AGBL4: variants seen among roughly 807,000 people sequenced by gnomAD.
AGBL4 encodes cytosolic carboxypeptidase 6.
In AGBL4, 58 loss-of-function variants were observed where a neutral mutation model predicts 66.4. That is an observed-to-expected ratio of 0.87 (90% CI 0.71 to 1.09). The LOEUF (loss-of-function observed/expected upper bound fraction) is 1.09. Ranked by LOEUF, AGBL4 falls within the 50% of genes least tolerant of loss-of-function variation. AGBL4 has a pLI of 0.00. For missense variants in AGBL4, 579 were observed against 631.0 expected, an observed-to-expected ratio of 0.92 and a Z score of 0.88; for synonymous variants, 234 against 222.9, an observed-to-expected ratio of 1.05 and a Z score of -0.44.
chr1:50,014,476 T>C (rs2148442316), intron 1 of AGBL4, among the ~76,000 whole-genome samples: 1 of 151,924 alleles, frequency 6.6e-6, no homozygotes, highest in Middle Eastern at 3.4e-3. Context: ...TTCACCAAAG[T>C]ATTCCTACTT....
intron 4 of AGBL4, among the ~76,000 whole-genome samples, chr1:49,207,559 T>TTTC: frequency 7.4e-6 from 1 of 135,892 alleles, no homozygotes; most frequent in East Asian, 2.2e-4. Context: ...TCTTTCTTTC[T>TTTC]TTCTTTCTTT....
intron 4 of AGBL4, among the ~76,000 whole-genome samples, chr1:49,069,445 C>T (rs953644585): frequency 2.0e-5 from 3 of 150,514 alleles, no homozygotes; most frequent in African/African-American, 7.5e-5. Flanking sequence ...CAGCTTTCTG[C>T]TTATGGCTAG....
At chr1:49,171,959 C>T (rs1057465183) in intron 4 of AGBL4, among the ~76,000 whole-genome samples, 15 of 152,128 alleles carry the variant, frequency 9.9e-5, no homozygotes, top group Non-Finnish European at 2.1e-4. Flanking sequence ...CATTTAAGCA[C>T]AGAGATAATA....
intron 3 of AGBL4, among the ~76,000 whole-genome samples, chr1:49,552,270 G>A (rs1027946603): frequency 3.3e-5 from 5 of 152,210 alleles, no homozygotes; most frequent in African/African-American, 1.2e-4. Context: ...TCCCCCGCCT[G>A]TGGAGTCTGC....
At chr1:49,314,375 C>T (rs1160369604) in intron 3 of AGBL4, among the ~76,000 whole-genome samples, 1 of 151,966 alleles carries the variant, frequency 6.6e-6, no homozygotes, top group Non-Finnish European at 1.5e-5. Context: ...AATGCTATCA[C>T]CCCTCCAGCC....
At chr1:49,788,392 A>T (rs1371135977) in intron 2 of AGBL4, among the ~76,000 whole-genome samples, 1 of 152,160 alleles carries the variant, frequency 6.6e-6, no homozygotes, top group Non-Finnish European at 1.5e-5. Context: ...ATTTATAACA[A>T]AATATTTCTA....
At chr1:49,768,016 AC>A (rs1486440091) in intron 2 of AGBL4, among the ~76,000 whole-genome samples, 6 of 152,032 alleles carry the variant, frequency 3.9e-5, no homozygotes, top group African/African-American at 1.4e-4. Context: ...AAGAAAAAAA[AC>A]AAAACAAAAC....
chr1:48,869,938 C>T (rs1248745981), intron 5 of AGBL4, among the ~76,000 whole-genome samples: 1 of 152,118 alleles, frequency 6.6e-6, no homozygotes, highest in Non-Finnish European at 1.5e-5. Flanking sequence ...CAGAGTACCC[C>T]TCAGTAAGTA....
intron 3 of AGBL4, among the ~76,000 whole-genome samples, chr1:49,385,906 A>AT (rs1158951826): frequency 6.6e-6 from 1 of 152,094 alleles, no homozygotes; most frequent in African/African-American, 2.4e-5. Context: ...CAGTTATAAA[A>AT]TATCACCTTT....
chr1:49,463,299 G>C (rs903108311), intron 3 of AGBL4, among the ~76,000 whole-genome samples: 1 of 151,550 alleles, frequency 6.6e-6, no homozygotes, highest in Non-Finnish European at 1.5e-5. Context: ...ATATACCCTG[G>C]TTTTCCAGAG....
At chr1:49,537,168 G>A (rs953202859) in intron 3 of AGBL4, among the ~76,000 whole-genome samples, 2 of 152,126 alleles carry the variant, frequency 1.3e-5, no homozygotes, top group African/African-American at 4.8e-5. Flanking sequence ...AGACTTAAAT[G>A]TAAGACCTGA....
intron 3 of AGBL4, among the ~76,000 whole-genome samples, chr1:49,339,131 A>G (rs1194736881): frequency 6.6e-6 from 1 of 152,146 alleles, no homozygotes; most frequent in East Asian, 1.9e-4. Context: ...CACTTAAGGA[A>G]GAGTGCATTG....
chr1:48,899,697 T>C (rs1351320665), intron 5 of AGBL4, among the ~76,000 whole-genome samples: 1 of 152,184 alleles, frequency 6.6e-6, no homozygotes, highest in African/African-American at 2.4e-5. Flanking sequence ...TGAAACAAAA[T>C]GACGAGCATT....
chr1:48,770,026 T>C (rs1243362794), intron 6 of AGBL4, among the ~76,000 whole-genome samples: 2 of 152,132 alleles, frequency 1.3e-5, no homozygotes, highest in African/African-American at 4.8e-5. Flanking sequence ...CTGACCTGCT[T>C]GCCACCTTTA....
intron 2 of AGBL4, among the ~76,000 whole-genome samples, chr1:49,822,967 G>C (rs1472850442): frequency 6.6e-6 from 1 of 152,146 alleles, no homozygotes; most frequent in Non-Finnish European, 1.5e-5. Context: ...AGGCTTTTAA[G>C]AAGTAGATGC....
intron 1 of AGBL4, among the ~76,000 whole-genome samples, chr1:49,983,160 C>G (rs552827495): frequency 1.4e-3 from 211 of 152,350 alleles, no homozygotes; most frequent in South Asian, 7.2e-3. Context: ...AAAAACGCCC[C>G]TTACTCGCCA....
intron 1 of AGBL4, among the ~76,000 whole-genome samples, chr1:49,933,091 G>A (rs1173662269): frequency 2.0e-5 from 3 of 152,110 alleles, no homozygotes; most frequent in Non-Finnish European, 2.9e-5. Flanking sequence ...CAAACAGGAT[G>A]AACCCCAGGA....
At chr1:49,884,060 C>T (rs1647739916) in intron 1 of AGBL4, among the ~76,000 whole-genome samples, 1 of 151,878 alleles carries the variant, frequency 6.6e-6, no homozygotes, top group Non-Finnish European at 1.5e-5. Flanking sequence ...GACTTCTGTG[C>T]ATTTTAATAT....
chr1:49,376,544 C>T (rs951606257), intron 3 of AGBL4, among the ~76,000 whole-genome samples: 2 of 152,070 alleles, frequency 1.3e-5, no homozygotes, highest in African/African-American at 4.8e-5. Flanking sequence ...ACAGCTTTTA[C>T]TATTGCCAGT....
Sources: gnomAD v4.1 joint callset for allele counts (sites outside exome capture counted in the v4.1 genomes callset) on GRCh38, gnomAD v4.1.1 for gene constraint, MANE v1.5 for transcripts, NCBI Gene and HGNC (gene_info 2026-07-23, HGNC 2026-07-21) for gene names.